The following CREBBP variants were observed in gnomAD, a reference collection of about 807,000 sequenced individuals.
The protein encoded by CREBBP is CREB-binding protein.
CREBBP carries 19 observed loss-of-function variants against 265.0 expected under a neutral mutation model. That is an observed-to-expected ratio of 0.07 (90% CI 0.05 to 0.11). The LOEUF (loss-of-function observed/expected upper bound fraction) is 0.11, where lower values mean the gene tolerates loss of function less well. Ranked by LOEUF, CREBBP falls within the 10% of genes least tolerant of loss-of-function variation. The probability of loss-of-function intolerance (pLI) is 1.00; values close to 1 mark genes in which losing one functional copy is unlikely to be tolerated. For missense variants in CREBBP, 2,525 were observed against 3,219.0 expected (o/e 0.78, Z 5.22); for synonymous variants, 1,457 against 1,223.7 (o/e 1.19, Z -3.98).
At chr16:3,799,692 A>G (rs1052682470) in intron 3 of CREBBP, among the ~76,000 whole-genome samples, 4 of 152,238 alleles carry the variant, frequency 2.6e-5, no homozygotes, top group Non-Finnish European at 2.9e-5. Context: ...TAAACATCCT[A>G]TGGCTACAGA....
chr16:3,824,556 G>C (rs993984458), intron 2 of CREBBP, among the ~76,000 whole-genome samples: 1 of 152,224 alleles, frequency 6.6e-6, no homozygotes, highest in East Asian at 1.9e-4. Flanking sequence ...AACATCGACA[G>C]ACAGGAACAA....
At chr16:3,874,703 C>G (rs2055365083) in intron 1 of CREBBP, among the ~76,000 whole-genome samples, 4 of 152,164 alleles carry the variant, frequency 2.6e-5, no homozygotes, top group Admixed American at 2.6e-4. Context: ...CTCACAGTGC[C>G]CAATCAGGAC....
chr16:3,855,337 G>A (rs1027334862), intron 1 of CREBBP, among the ~76,000 whole-genome samples: 2 of 152,182 alleles, frequency 1.3e-5, no homozygotes, highest in Admixed American at 6.5e-5. Context: ...GCACGATCCA[G>A]GCTCACTGCA....
At chr16:3,750,663 T>C (rs1235849102) in intron 20 of CREBBP, among the ~76,000 whole-genome samples, 1 of 152,222 alleles carries the variant, frequency 6.6e-6, no homozygotes, top group Non-Finnish European at 1.5e-5. Flanking sequence ...AGTTTAACCC[T>C]GTGCAGGAGT....
At chr16:3,771,115 C>G in intron 13 of CREBBP, 129 bp from the exon 14 acceptor site, 1 of 967,288 alleles carries the variant, frequency 1.0e-6, no homozygotes, top group East Asian at 2.6e-5. Context: ...GTCGCCCAGG[C>G]TGCAATGCAA....
intron 1 of CREBBP, among the ~76,000 whole-genome samples, chr16:3,866,868 C>T (rs1251182254): frequency 1.3e-5 from 2 of 152,180 alleles, no homozygotes; most frequent in Admixed American, 1.3e-4. Context: ...CTCCTAAGTA[C>T]CCATCACTCT....
chr16:3,844,477 CATTT>C (rs1199624886), intron 2 of CREBBP, among the ~76,000 whole-genome samples: 1 of 152,144 alleles, frequency 6.6e-6, no homozygotes, highest in Non-Finnish European at 1.5e-5. Context: ...TAGATATTAT[CATTT>C]ATTTTATGAC....
intron 26 of CREBBP, among the ~76,000 whole-genome samples, chr16:3,737,403 G>A (rs2052090304): frequency 6.6e-6 from 1 of 151,938 alleles, no homozygotes; most frequent in Non-Finnish European, 1.5e-5. Flanking sequence ...GGTCGCCTGG[G>A]GCAGGGAAGG....
chr16:3,739,544 G>A (rs753471936), intron 25 of CREBBP, 34 bp downstream of exon 25: 3 of 1,613,936 alleles, frequency 1.9e-6, no homozygotes, highest in Non-Finnish European at 2.5e-6. Flanking sequence ...ACGGCTCACT[G>A]AATGACACGC....
intron 13 of CREBBP, among the ~76,000 whole-genome samples, chr16:3,771,461 C>T (rs985599216): frequency 2.6e-5 from 4 of 152,118 alleles, no homozygotes; most frequent in Non-Finnish European, 4.4e-5. Context: ...TCCTCAATAA[C>T]GGTAAAACTA....
chr16:3,737,096 G>A (rs1422854341), intron 26 of CREBBP: 11 of 526,482 alleles, frequency 2.1e-5, no homozygotes, highest in African/African-American at 3.8e-5. Context: ...AAGAACCAGG[G>A]AATATGATGG....
intron 1 of CREBBP, among the ~76,000 whole-genome samples, chr16:3,873,283 A>C: frequency 6.6e-6 from 1 of 152,234 alleles, no homozygotes; most frequent in Non-Finnish European, 1.5e-5. Context: ...ATAATTCAGA[A>C]CACACACCAT....
chr16:3,792,158 C>G (rs2141281292), intron 4 of CREBBP, 64 bp from the exon 5 acceptor site: 1 of 1,279,826 alleles, frequency 7.8e-7, no homozygotes, highest in South Asian at 1.2e-5. Flanking sequence ...TCAATTATAC[C>G]TAAATTATAA....
intron 5 of CREBBP, among the ~76,000 whole-genome samples, chr16:3,784,700 G>A (rs1464780278): frequency 2.6e-5 from 4 of 152,166 alleles, no homozygotes; most frequent in African/African-American, 7.2e-5. Flanking sequence ...TCCATTTCCC[G>A]TAAACCCTTT....
chr16:3,732,242 T>C, intron 28 of CREBBP, among the ~76,000 whole-genome samples: 1 of 152,188 alleles, frequency 6.6e-6, no homozygotes, highest in East Asian at 1.9e-4. Flanking sequence ...GTTTCCACTG[T>C]GCCACAACCA....
intron 11 of CREBBP, among the ~76,000 whole-genome samples, chr16:3,776,308 C>T (rs1348799534): frequency 6.6e-6 from 1 of 152,136 alleles, no homozygotes; most frequent in Non-Finnish European, 1.5e-5. Context: ...GTTTCACAAC[C>T]TGGAAAAATG....
chr16:3,731,651 A>G lies in CREBBP; in HGVS notation c.4890+125T>C. 6 of 1,464,506 alleles carry G rather than the reference A, an allele frequency of 4.1e-6. No individual in the cohort carries two copies. The South Asian group carries it at 6.8e-5, about 17-fold the overall frequency. 90.7% of individuals were successfully genotyped at this position (1,464,506 alleles called of 1,614,324 possible). ...TTGCATGATGTCACCCAACTGGTCC[A>G]CTTGGTTTCCTGGGGGCCACTTCCC... On this transcript the variant is annotated intron_variant, in intron 29 of 30. Transcript: ENST00000262367. The surrounding 1 kb of genome is among the most constrained non-coding windows in gnomAD (Gnocchi z 7.7).
intron 2 of CREBBP, among the ~76,000 whole-genome samples, chr16:3,837,244 C>A (rs1268995470): frequency 6.6e-6 from 1 of 152,094 alleles, no homozygotes; most frequent in African/African-American, 2.4e-5. Flanking sequence ...TGACCCTGTA[C>A]AGGCTTAGGC....
chr16:3,833,771 T>C (rs148068256), intron 2 of CREBBP, among the ~76,000 whole-genome samples: 29 of 152,326 alleles, frequency 1.9e-4, no homozygotes, highest in African/African-American at 6.7e-4. Flanking sequence ...TATGAAACTT[T>C]TGTGATTGAT....
Sources: gnomAD v4.1 joint callset for allele counts (sites outside exome capture counted in the v4.1 genomes callset) on GRCh38, gnomAD v4.1.1 for gene constraint, Gnocchi (gnomAD v3.1) non-coding constraint, MANE v1.5 for transcripts, NCBI Gene and HGNC (gene_info 2026-07-23, HGNC 2026-07-21) for gene names.